Variants in CHODL observed in about 807,000 individuals in gnomAD.
CHODL encodes the protein transmembrane protein MT75.
In CHODL, 29 loss-of-function variants were observed where a neutral mutation model predicts 34.5. The ratio of observed to expected loss-of-function variants is 0.84; its 90% CI spans 0.63 to 1.15. The LOEUF (loss-of-function observed/expected upper bound fraction) is 1.15, where lower values mean the gene tolerates loss of function less well. CHODL is among the 50% of genes most tolerant of loss of function. CHODL has a pLI of 0.00. For synonymous variants in CHODL, 125 were observed against 116.1 expected, an observed-to-expected ratio of 1.08 and a Z score of -0.49; for missense variants, 332 against 332.5, an observed-to-expected ratio of 1.00 and a Z score of 0.01.
At chr21:18,244,395 T>C (rs897816750), upstream of CHODL, among the ~76,000 whole-genome samples, 8 of 152,238 alleles carry the variant, frequency 5.3e-5, no homozygotes, top group Non-Finnish European at 7.3e-5. Flanking sequence ...CCACATTATA[T>C]AATTCACTGA....
At chr21:18,099,666 C>G (rs2065187260) in intron 2 of CHODL, among the ~76,000 whole-genome samples, 1 of 151,986 alleles carries the variant, frequency 6.6e-6, no homozygotes, top group Non-Finnish European at 1.5e-5. Context: ...TTTTTAAATT[C>G]TAACGGAAAA....
intron 2 of CHODL, among the ~76,000 whole-genome samples, chr21:18,029,467 A>G (rs953163107): frequency 6.6e-6 from 1 of 151,106 alleles, no homozygotes; most frequent in African/African-American, 2.5e-5. Context: ...TTATGAAAAC[A>G]TAAACATTTT....
chr21:17,936,530 A>G (rs544718353), intron 1 of CHODL, among the ~76,000 whole-genome samples: 56 of 151,968 alleles, frequency 3.7e-4, no homozygotes, highest in South Asian at 2.1e-3. Context: ...GAGAAATTTC[A>G]TAGTACTTAG....
At chr21:18,062,369 CAGCT>C (rs1293882754) in intron 2 of CHODL, among the ~76,000 whole-genome samples, 2 of 124,232 alleles carry the variant, frequency 1.6e-5, no homozygotes, top group African/African-American at 5.9e-5. Flanking sequence ...CCACCACAGC[CAGCT>C]AATTTTTTTA....
Position 17,926,374 on chromosome 21 carries a change from G to GATAA in CHODL, c.-145+8974_-145+8975insATAA, listed in dbSNP as rs1491096222. 3.0e-3 allele frequency among the ~76,000 whole-genome samples: 201 copies of GATAA among 68,080 alleles called. 2 individuals are homozygous for GATAA. Among genetic ancestry groups the GATAA allele is most frequent in the African/African-American group, 6.3e-3 (181 of 28,608 alleles). 44.7% of individuals were successfully genotyped at this position (68,080 alleles called of 152,430 possible). ...ACTGAGGGTAACAAATAAATAAGGT[G>GATAA]GGTTTTTTTTTTTTTTTTCCTGAAG... On this transcript the variant is annotated intron_variant, in intron 1 of 6. Transcript: ENST00000400127.
chr21:17,936,081 C>T (rs866845771), intron 1 of CHODL, among the ~76,000 whole-genome samples: 49 of 152,166 alleles, frequency 3.2e-4, no homozygotes, highest in African/African-American at 9.4e-4. Flanking sequence ...ATTATCATAT[C>T]GTAGAAATAG....
chr21:17,972,272 G>T (rs149787), intron 1 of CHODL, among the ~76,000 whole-genome samples: 1 of 152,150 alleles, frequency 6.6e-6, no homozygotes, highest in Non-Finnish European at 1.5e-5. Flanking sequence ...CTTCAATGTA[G>T]CATTGGAAAT....
At chr21:17,918,977 C>T (rs1353483509) in intron 1 of CHODL, among the ~76,000 whole-genome samples, 1 of 152,220 alleles carries the variant, frequency 6.6e-6, no homozygotes, top group African/African-American at 2.4e-5. Context: ...CCAAAATGAT[C>T]TCCTTTAACT....
chr21:18,147,428 C>G (rs923275575), intron 2 of CHODL, among the ~76,000 whole-genome samples: 16 of 152,212 alleles, frequency 1.1e-4, no homozygotes, highest in Non-Finnish European at 1.5e-5. Flanking sequence ...AGCCTTGTCT[C>G]TGTCAAACAG....
In CHODL at chr21:18,201,800, C is replaced by CTTTTTTT. The variant is rs547855975; in HGVS notation, c.-44-54693_-44-54687dup. The stretch of plus-strand genomic sequence containing the variant: ...TGAATAAAGTTCATATTTTTAAAAA[C>CTTTTTTT]TTTTTTTTTTTTTTTTTTTTTTGAG... On this transcript the variant is annotated intron_variant, in intron 2 of 6. Transcript: ENST00000400127. Among the ~76,000 whole-genome samples, 12 of 114,394 alleles carry CTTTTTTT rather than the reference C, an allele frequency of 1.0e-4. No homozygotes were observed. In the South Asian group the frequency reaches 1.5e-3, roughly 15 times the overall value. 75.0% of individuals were successfully genotyped at this position (114,394 alleles called of 152,430 possible).
At chr21:18,102,638 C>T (rs903834258) in intron 2 of CHODL, among the ~76,000 whole-genome samples, 2 of 152,128 alleles carry the variant, frequency 1.3e-5, no homozygotes, top group East Asian at 3.8e-4. Flanking sequence ...TAATGCATAG[C>T]TCTAAAGAAA....
Position 18,233,137 on chromosome 21 carries a change from C to T in CHODL, c.-44-23372C>T, listed in dbSNP as rs572882237. ...AACATCTTCCCATTGTTCCCACTCT[C>T]CAGCCTCTGATAACCACTGTTCTAC... is the stretch of plus-strand genomic sequence containing the variant. On this transcript the variant is annotated intron_variant, in intron 2 of 6. Coordinates refer to the CHODL transcript ENST00000400127. 3.9e-5 allele frequency among the ~76,000 whole-genome samples: 6 copies of T among 152,018 alleles called. No homozygotes were observed. In the South Asian group the frequency reaches 1.2e-3, roughly 32 times the overall value.
chr21:18,078,476 G>A (rs558817116), intron 2 of CHODL, among the ~76,000 whole-genome samples: 23 of 152,180 alleles, frequency 1.5e-4, no homozygotes, highest in Admixed American at 9.8e-4. Flanking sequence ...ATTTGAGTGG[G>A]GACACAGCTA....
chr21:18,228,090 T>C (rs894122713), intron 2 of CHODL, among the ~76,000 whole-genome samples: 2 of 152,204 alleles, frequency 1.3e-5, no homozygotes, highest in African/African-American at 4.8e-5. Context: ...TTTTAAAAAC[T>C]ATTGACATTA....
intron 2 of CHODL, among the ~76,000 whole-genome samples, chr21:18,217,672 A>G (rs1170100454): frequency 6.6e-6 from 1 of 152,098 alleles, no homozygotes; most frequent in Admixed American, 6.5e-5. Context: ...CAGTCCCCCA[A>G]AGTCTTAACT....
At chr21:18,085,648 G>C (rs1261038080) in intron 2 of CHODL, among the ~76,000 whole-genome samples, 1 of 152,250 alleles carries the variant, frequency 6.6e-6, no homozygotes, top group East Asian at 1.9e-4. Context: ...TTGGTGGACA[G>C]TTTTTACTTC....
intron 2 of CHODL, among the ~76,000 whole-genome samples, chr21:18,231,262 T>C (rs1259896152): frequency 6.6e-6 from 1 of 152,148 alleles, no homozygotes; most frequent in African/African-American, 2.4e-5. Context: ...ACTAAAATGC[T>C]CAGGGTTTTG....
At chr21:18,095,562 A>T (rs1335493111) in intron 2 of CHODL, among the ~76,000 whole-genome samples, 1 of 152,148 alleles carries the variant, frequency 6.6e-6, no homozygotes, top group Non-Finnish European at 1.5e-5. Context: ...TTCACTGTGA[A>T]TCCTATCAAA....
intron 2 of CHODL, among the ~76,000 whole-genome samples, chr21:18,128,112 A>G (rs894392995): frequency 1.3e-5 from 2 of 151,596 alleles, no homozygotes; most frequent in African/African-American, 4.8e-5. Context: ...CATCCTGGCT[A>G]ACACGGTGAA....
Sources: allele counts gnomAD v4.1 joint callset (sites outside exome capture counted in the v4.1 genomes callset), GRCh38; gene constraint gnomAD v4.1.1; transcripts MANE v1.5; gene names NCBI Gene and HGNC (gene_info 2026-07-23, HGNC 2026-07-21).